The following PDE6A variants were observed in gnomAD, a reference collection of about 807,000 sequenced individuals.
The protein encoded by PDE6A is phosphodiesterase 6A.
Under a neutral mutation model 106.3 loss-of-function variants are expected in PDE6A, and 84 were observed. That is an observed-to-expected ratio of 0.79 (90% CI 0.66 to 0.95). The LOEUF (loss-of-function observed/expected upper bound fraction) is 0.95. Among genes scored for constraint, PDE6A ranks in the 40% least tolerant of loss-of-function variants. The pLI is 0.00. For synonymous variants in PDE6A, 394 were observed against 386.6 expected (o/e 1.02, Z -0.23); for missense variants, 1,052 against 1,084.9 (o/e 0.97, Z 0.43).
chr5:149,888,564 G>C (rs1030134842), intron 13 of PDE6A, among the ~76,000 whole-genome samples: 28 of 150,168 alleles, frequency 1.9e-4, no homozygotes, highest in African/African-American at 6.8e-4. Flanking sequence ...AATTATACAA[G>C]AGGGCAAAAA....
intron 17 of PDE6A, among the ~76,000 whole-genome samples, chr5:149,871,906 A>G (rs1206464163): frequency 1.3e-5 from 2 of 152,220 alleles, no homozygotes; most frequent in East Asian, 3.8e-4. Context: ...GCACTTAGGA[A>G]GTCAACTCAG....
chr5:149,865,770 T>C (rs1209940094), intron 20 of PDE6A, among the ~76,000 whole-genome samples: 1 of 152,170 alleles, frequency 6.6e-6, no homozygotes, highest in Non-Finnish European at 1.5e-5. Context: ...TTGGGAGCAA[T>C]GGGTTTCTCA....
intron 17 of PDE6A, 83 bp from the exon 18 acceptor site, chr5:149,868,241 C>T: frequency 1.5e-6 from 2 of 1,323,282 alleles, no homozygotes; most frequent in Non-Finnish European, 2.2e-6. Context: ...TCACCTTTCT[C>T]CACCCCCACT....
intron 16 of PDE6A, among the ~76,000 whole-genome samples, chr5:149,883,960 A>G (rs1407746015): frequency 6.6e-6 from 1 of 152,120 alleles, no homozygotes; most frequent in East Asian, 1.9e-4. Flanking sequence ...TGGGAGGCTG[A>G]GGCAGAAGGA....
chr5:149,896,813 G>A, intron 10 of PDE6A, 37 bp from the exon 11 acceptor site: 2 of 1,606,378 alleles, frequency 1.2e-6, no homozygotes, highest in African/African-American at 1.3e-5. Context: ...AAAAAAATAG[G>A]TTACAACATG....
chr5:149,906,357 C>A (rs1337794862), intron 7 of PDE6A, among the ~76,000 whole-genome samples: 1 of 151,190 alleles, frequency 6.6e-6, no homozygotes, highest in Non-Finnish European at 1.5e-5. Context: ...AAAACCATTT[C>A]TCTACTAAAA....
intron 13 of PDE6A, among the ~76,000 whole-genome samples, chr5:149,893,970 G>A (rs1752636526): frequency 6.6e-6 from 1 of 152,184 alleles, no homozygotes; most frequent in Non-Finnish European, 1.5e-5. Flanking sequence ...ATAAGTTAGT[G>A]TCTACTGAGG....
At chr5:149,908,188 CA>C (rs1395654948) in intron 6 of PDE6A, among the ~76,000 whole-genome samples, 1 of 152,066 alleles carries the variant, frequency 6.6e-6, no homozygotes, top group East Asian at 1.9e-4. Flanking sequence ...TACTGACTTA[CA>C]GTGTTCCCTA....
At chr5:149,898,922 G>A (rs917207906) in intron 9 of PDE6A, among the ~76,000 whole-genome samples, 10 of 152,280 alleles carry the variant, frequency 6.6e-5, no homozygotes, top group African/African-American at 2.4e-4. Context: ...GGATTGCAAT[G>A]GCACAATCAT....
intron 4 of PDE6A, among the ~76,000 whole-genome samples, chr5:149,923,558 CATAACATAACATAACATAACA>C (rs1407687054): frequency 8.0e-5 from 8 of 100,268 alleles, no homozygotes; most frequent in African/African-American, 3.7e-4. Context: ...CATAACATAA[CATAACATAACATAACATAACA>C]AACAACAACA....
chr5:149,905,429 C>T (rs889645509), intron 7 of PDE6A, among the ~76,000 whole-genome samples: 1 of 152,146 alleles, frequency 6.6e-6, no homozygotes, highest in Non-Finnish European at 1.5e-5. Flanking sequence ...GACAGCTGCT[C>T]CTAAAAAATG....
chr5:149,915,032 CTTTTTTTTTTT>C, intron 5 of PDE6A, 25 bp from the exon 6 acceptor site: 2 of 795,814 alleles, frequency 2.5e-6, no homozygotes, highest in South Asian at 3.8e-5. Context: ...AAAAATTATA[CTTTTTTTTTTT>C]TTTTTTTTTT....
intron 16 of PDE6A, 81 bp downstream of exon 16, chr5:149,884,398 G>C: frequency 1.2e-6 from 1 of 816,076 alleles, no homozygotes; most frequent in South Asian, 1.4e-5. Flanking sequence ...GTGTATATAT[G>C]TATATATATG....
chr5:149,862,677 G>A (rs1194079911), intron 21 of PDE6A, among the ~76,000 whole-genome samples: 1 of 152,212 alleles, frequency 6.6e-6, no homozygotes, highest in Non-Finnish European at 1.5e-5. Flanking sequence ...AGAATTGCTT[G>A]AACCTGGGAG....
chr5:149,901,993 T>C (rs1196150693), intron 8 of PDE6A, among the ~76,000 whole-genome samples: 1 of 152,156 alleles, frequency 6.6e-6, no homozygotes, highest in Non-Finnish European at 1.5e-5. Flanking sequence ...TCAAGAAAGA[T>C]AAGACCCAAC....
chr5:149,892,642 C>T lies in PDE6A; in HGVS notation c.1728+2541G>A, dbSNP rs1486921298. On this transcript the variant is annotated intron_variant, in intron 13 of 21. Coordinates refer to ENST00000255266, the MANE Select transcript of PDE6A (RefSeq NM_000440.3). ...AGTAGCTGGGACCACAGGCGTGCGC[C>T]ACCATACCTGGCTAATTTTTGTACT... Among the ~76,000 whole-genome samples, 3 of 152,086 alleles carry T rather than the reference C, an allele frequency of 2.0e-5. No individual in the cohort carries two copies. The East Asian group carries it at 5.8e-4, about 29-fold the overall frequency.
chr5:149,939,718 C>G (rs541938116), intron 1 of PDE6A, among the ~76,000 whole-genome samples: 69 of 152,280 alleles, frequency 4.5e-4, no homozygotes, highest in African/African-American at 1.6e-3. Context: ...AAACGATTTG[C>G]CAAGGCCACA....
rs758645776 is a variant in PDE6A, at chr5:149,944,353, C to G, written c.321G>C (p.Glu107Asp). 4.3e-6 allele frequency: 7 copies of G among 1,614,112 alleles called. No homozygotes were observed. The South Asian group carries it at 7.7e-5, about 18-fold the overall frequency. ...GGACATTGAAAAGCCTGGTGGCCAG[C>G]TCTGCGATGCCATTGCGGGTCCGGT... Reference protein sequence around the residue: ...FMYRTRNGIAELATRLFNVHK... With the variant: ...FMYRTRNGIADLATRLFNVHK... The change falls in exon 1 of 22, where the codon GAG becomes GAC. Residue 107 changes from glutamate (E) to aspartate (D), a missense_variant. Glu to Asp is a conservative substitution (Grantham distance 45). Coordinates refer to ENST00000255266, the MANE Select transcript of PDE6A (RefSeq NM_000440.3).
At chr5:149,879,057 TTTTATTTA>T (rs776957897) in intron 17 of PDE6A, among the ~76,000 whole-genome samples, 9 of 152,010 alleles carry the variant, frequency 5.9e-5, no homozygotes, top group African/African-American at 2.2e-4. Context: ...TTTTATTTTG[TTTTATTTA>T]TTTATTTATT....
Sources: allele counts gnomAD v4.1 joint callset (sites outside exome capture counted in the v4.1 genomes callset), GRCh38; gene constraint gnomAD v4.1.1; transcripts MANE v1.5; gene names NCBI Gene and HGNC (gene_info 2026-07-23, HGNC 2026-07-21).